Variants in OSBPL9 observed in about 807,000 individuals in gnomAD.
The protein encoded by OSBPL9 is oxysterol binding protein like 9, also known as oxysterol-binding protein-related protein 9.
Under a neutral mutation model 106.6 loss-of-function variants are expected in OSBPL9, and 40 were observed. The ratio of observed to expected loss-of-function variants is 0.38; its 90% CI spans 0.29 to 0.49. The LOEUF is 0.49. Among genes scored for constraint, OSBPL9 ranks in the 20% least tolerant of loss-of-function variants. The probability of loss-of-function intolerance (pLI) is 0.97; values close to 1 mark genes in which losing one functional copy is unlikely to be tolerated. For missense variants in OSBPL9, 609 were observed against 887.2 expected (o/e 0.69, Z 3.98); for synonymous variants, 269 against 295.4 (o/e 0.91, Z 0.92).
At chr1:51,542,364 T>G in the OSBPL9 span, among the ~76,000 whole-genome samples, 1 of 152,208 alleles carries the variant, frequency 6.6e-6, no homozygotes, top group East Asian at 1.9e-4. Flanking sequence ...ATCCCAGATC[T>G]CTAGACTCCC....
At chr1:51,673,428 G>A (rs1252529743) in intron 3 of OSBPL9, among the ~76,000 whole-genome samples, 3 of 152,186 alleles carry the variant, frequency 2.0e-5, no homozygotes, top group Non-Finnish European at 4.4e-5. Context: ...TTTTGTTTTT[G>A]TAGGATAAGA....
intron 8 of OSBPL9, among the ~76,000 whole-genome samples, chr1:51,751,737 G>A (rs1395524154): frequency 2.6e-5 from 4 of 152,156 alleles, no homozygotes; most frequent in Non-Finnish European, 4.4e-5. Flanking sequence ...GCCAGTTTGG[G>A]TGATCTCTGA....
chr1:51,732,122 G>A (rs1479849963), intron 4 of OSBPL9, among the ~76,000 whole-genome samples: 9 of 152,208 alleles, frequency 5.9e-5, no homozygotes, highest in Non-Finnish European at 1.3e-4. Context: ...GAATTTAACT[G>A]TAAGTTTGGT....
At chr1:51,667,550 T>G (rs1436377075) in intron 2 of OSBPL9, among the ~76,000 whole-genome samples, 1 of 152,218 alleles carries the variant, frequency 6.6e-6, no homozygotes, top group East Asian at 1.9e-4. Context: ...TCGCCCTGTA[T>G]TATAGTCACC....
At chr1:51,710,189 G>A (rs1000426266) in intron 3 of OSBPL9, among the ~76,000 whole-genome samples, 3 of 152,152 alleles carry the variant, frequency 2.0e-5, no homozygotes, top group Admixed American at 6.6e-5. Context: ...GCACACAGGC[G>A]AGGCAACTCC....
At position 51,749,231 on chromosome 1, in the gene OSBPL9, A is replaced by T. The variant is rs184889184; in HGVS notation, c.492+833A>T. Among the ~76,000 whole-genome samples the T allele has an allele frequency of 2.0e-4, 31 of 152,326 alleles. No individual in the cohort carries two copies. The East Asian group carries it at 4.6e-3, about 23-fold the overall frequency. ...TACTTATGAGATGTGTACCTTGCTCAAAATTTTAAAACAGGTAAAATAATA... is the reference window on the plus strand; with the variant it reads ...TACTTATGAGATGTGTACCTTGCTCTAAATTTTAAAACAGGTAAAATAATA... On this transcript the variant is annotated intron_variant, in intron 7 of 23. Coordinates refer to ENST00000428468, the MANE Select transcript of OSBPL9 (RefSeq NM_024586.6).
intron 12 of OSBPL9, among the ~76,000 whole-genome samples, chr1:51,768,275 G>A (rs1415473744): frequency 2.0e-5 from 3 of 149,546 alleles, no homozygotes; most frequent in Non-Finnish European, 4.4e-5. Context: ...TGTTGCCCAG[G>A]CTGGAGTGCA....
Position 51,787,488 on chromosome 1 carries a change from G to T in OSBPL9, c.2136G>T (p.Arg712Ser). ...AGAAGGAAATTCAGTGGGAGACAAG[G>T]GTAAGCTTGCCTGCCCCACCCTCCT... is the stretch of plus-strand genomic sequence containing the variant. ...RKEKEIQWET[R>S]LFHEDGECWV... Residue 712 changes from arginine (R) to serine (S), a missense_variant and splice_region_variant, in exon 23 of 24, where the codon AGG becomes AGT. By Grantham distance (110) the Arg-to-Ser change is moderately radical (BLOSUM62 -1). Coordinates refer to ENST00000428468, the MANE Select transcript of OSBPL9 (RefSeq NM_024586.6). 1 of 1,613,828 alleles carries T rather than the reference G, an allele frequency of 6.2e-7. No homozygotes were observed. Among genetic ancestry groups the T allele is most frequent in the Non-Finnish European group, 8.5e-7 (1 of 1,179,842 alleles).
chr1:51,685,820 A>AAT (rs1346610300), intron 3 of OSBPL9, among the ~76,000 whole-genome samples: 1 of 152,252 alleles, frequency 6.6e-6, no homozygotes, highest in Non-Finnish European at 1.5e-5. Context: ...TAACACTGAT[A>AAT]CAGCGTATAG....
chr1:51,710,636 T>A (rs1659600241), intron 3 of OSBPL9, among the ~76,000 whole-genome samples: 1 of 152,234 alleles, frequency 6.6e-6, no homozygotes, highest in African/African-American at 2.4e-5. Context: ...AGGATATATT[T>A]CAGTGAATTC....
chr1:51,551,406 G>C, the OSBPL9 span, among the ~76,000 whole-genome samples: 6 of 151,582 alleles, frequency 4.0e-5, no homozygotes, highest in Non-Finnish European at 8.8e-5. Context: ...TTTACTTCTT[G>C]GCCTCTTCTG....
rs143331469 is a variant in OSBPL9, at chr1:51,593,201, A to T, written c.-422-4923A>T. On this transcript the variant is annotated intron_variant, in intron 1 of 25. Transcript: ENST00000371714. The stretch of plus-strand genomic sequence containing the variant: ...TGAAGAGGGGGAAAATGAGAGAGAG[A>T]GGGAGAGAGAAATAAATGGAAATAA... 4.0e-3 allele frequency among the ~76,000 whole-genome samples: 605 copies of T among 152,198 alleles called. 1 individual carries two copies. Among genetic ancestry groups the T allele is most frequent in the Non-Finnish European group, 7.0e-3 (475 of 68,006 alleles).
upstream of OSBPL9, chr1:51,574,046 T>C (rs1185286236): frequency 6.6e-6 from 1 of 152,158 alleles, no homozygotes; most frequent in East Asian, 1.9e-4. Flanking sequence ...CCATCGTTTT[T>C]TCCATTCATC....
At chr1:51,660,852 T>C (rs2148730740) in intron 2 of OSBPL9, among the ~76,000 whole-genome samples, 1 of 152,326 alleles carries the variant, frequency 6.6e-6, no homozygotes, top group East Asian at 1.9e-4. Flanking sequence ...CCAGAATAGG[T>C]ATTTAATAAG....
At chr1:51,767,011 G>A (rs539037756) in intron 12 of OSBPL9, among the ~76,000 whole-genome samples, 10 of 152,060 alleles carry the variant, frequency 6.6e-5, no homozygotes, top group South Asian at 4.1e-4. Context: ...CCTGGGAGGC[G>A]GAGGTTGCAG....
intron 4 of OSBPL9, among the ~76,000 whole-genome samples, chr1:51,720,528 G>A (rs1353935887): frequency 6.6e-6 from 1 of 151,924 alleles, no homozygotes; most frequent in Non-Finnish European, 1.5e-5. Flanking sequence ...GTCTCACCAT[G>A]TTGTCAAGAT....
At position 51,722,541 on chromosome 1, in the gene OSBPL9, C is replaced by T. The variant is rs1308628008; in HGVS notation, c.318+8462C>T. On this transcript the variant is annotated intron_variant, in intron 4 of 23. Coordinates refer to ENST00000428468, the MANE Select transcript of OSBPL9 (RefSeq NM_024586.6). ...CCTGACATTTTATTTATTCAACAGA[C>T]ATTTCTTAAGTACCTAATACATGCC... Among the ~76,000 whole-genome samples, 5 of 152,140 alleles carry T rather than the reference C, an allele frequency of 3.3e-5. No homozygotes were observed. In the East Asian group the frequency reaches 9.6e-4, roughly 29 times the overall value.
At chr1:51,520,955 G>C in the OSBPL9 span, among the ~76,000 whole-genome samples, 21 of 152,124 alleles carry the variant, frequency 1.4e-4, no homozygotes, top group African/African-American at 4.8e-4. Context: ...CTTCACTTTG[G>C]TACACTTATC....
rs1413400939 is a variant in OSBPL9, at chr1:51,776,886, A to G, written c.1224A>G (p.Ala408=). The change falls in exon 15 of 24, where the codon GCA becomes GCG. Residue 408 remains alanine (A), a synonymous_variant. Coordinates refer to ENST00000428468, the MANE Select transcript of OSBPL9 (RefSeq NM_024586.6). ...GAAGATCTCTTTTAGAAATGTATGC[A>G]GACTTTTTTGCACATCCGGACCTGT... ...LERRSLLEMY[A]DFFAHPDLFV... 1 of 1,613,086 alleles carries G rather than the reference A, an allele frequency of 6.2e-7. No homozygotes were observed. Among genetic ancestry groups the G allele is most frequent in the South Asian group, 1.1e-5 (1 of 91,062 alleles).
Sources: allele counts gnomAD v4.1 joint callset (sites outside exome capture counted in the v4.1 genomes callset), GRCh38; gene constraint gnomAD v4.1.1; transcripts MANE v1.5; gene names NCBI Gene and HGNC (gene_info 2026-07-23, HGNC 2026-07-21).